The following SMARCA4 variants were observed in gnomAD, a reference collection of about 807,000 sequenced individuals.
SMARCA4 encodes SWI/SNF-related matrix-associated actin-dependent regulator of chromatin subfamily A member 4.
Under a neutral mutation model 193.9 loss-of-function variants are expected in SMARCA4, and 31 were observed. The observed-to-expected ratio is 0.16, with a 90% CI of 0.12 to 0.22. The LOEUF is 0.22. Ranked by LOEUF, SMARCA4 falls within the 10% of genes least tolerant of loss-of-function variation. SMARCA4 has a pLI of 1.00. For synonymous variants in SMARCA4, 942 were observed against 933.1 expected (o/e 1.01, Z -0.17); for missense variants, 1,148 against 2,296.0 (o/e 0.50, Z 10.22).
Position 10,987,030 on chromosome 19 carries a change from A to C in SMARCA4, c.859+27A>C, listed in dbSNP as rs2145799507. On this transcript the variant is annotated intron_variant, in intron 5 of 34. Coordinates refer to ENST00000344626, the MANE Select transcript of SMARCA4 (RefSeq NM_003072.5). This position sits in a 1 kb window ranked among gnomAD's most constrained non-coding sequence, Gnocchi z 5.3. ...TGAGCTCCCTCTTCTATGGTGGTGCACCCGTGCCCTTACTCCCCATCTCAA... is the reference window on the plus strand; with the variant it reads ...TGAGCTCCCTCTTCTATGGTGGTGCCCCCGTGCCCTTACTCCCCATCTCAA... The C allele has an allele frequency of 6.5e-7, 1 of 1,530,564 alleles. No individual in the cohort carries two copies. Among genetic ancestry groups the C allele is most frequent in the African/African-American group, 1.4e-5 (1 of 73,606 alleles). The allele number at this position is 1,530,564 out of a possible 1,614,324, so 94.8% of individuals were successfully genotyped here.
chr19:11,059,273 C>G (rs2076723121), intron 32 of SMARCA4: 1 of 303,848 alleles, frequency 3.3e-6, no homozygotes, highest in Non-Finnish European at 6.3e-6. Context: ...GGGGCACATT[C>G]TCTTCAAAGG....
intron 30 of SMARCA4, among the ~76,000 whole-genome samples, chr19:11,042,621 T>G (rs1170633222): frequency 6.6e-6 from 1 of 152,212 alleles, no homozygotes; most frequent in Non-Finnish European, 1.5e-5. Context: ...ATGCATGGTT[T>G]GGAGAGAATC....
At chr19:11,007,743 A>T (rs2088371117) in intron 13 of SMARCA4, among the ~76,000 whole-genome samples, 159 bp from the exon 14 acceptor site, 1 of 152,166 alleles carries the variant, frequency 6.6e-6, no homozygotes, top group African/African-American at 2.4e-5. Flanking sequence ...ATAATTTTAA[A>T]ACAAAGATGT....
At chr19:11,036,288 A>T (rs1455132389) in intron 29 of SMARCA4, among the ~76,000 whole-genome samples, 1 of 152,028 alleles carries the variant, frequency 6.6e-6, no homozygotes, top group East Asian at 1.9e-4. Context: ...CCGGCCCTGC[A>T]TTTTTTTCTT....
intron 29 of SMARCA4, 90 bp downstream of exon 29, chr19:11,035,222 G>C: frequency 7.9e-7 from 1 of 1,260,656 alleles, no homozygotes; most frequent in Non-Finnish European, 1.1e-6. Flanking sequence ...CTCAGGCCTG[G>C]GTCCAAAATG....
intron 9 of SMARCA4, chr19:10,995,893 A>T: frequency 2.3e-6 from 1 of 429,684 alleles, no homozygotes; most frequent in South Asian, 2.0e-5. Context: ...GGTGGGAGGG[A>T]TGCACCTTGG....
At chr19:11,007,206 C>T (rs1202148215) in intron 13 of SMARCA4, among the ~76,000 whole-genome samples, 1 of 151,280 alleles carries the variant, frequency 6.6e-6, no homozygotes, top group Non-Finnish European at 1.5e-5. Context: ...CCAAGGCAGG[C>T]GGATCACGAG....
At chr19:10,992,590 G>T (rs1180041962) in intron 8 of SMARCA4, among the ~76,000 whole-genome samples, 1 of 150,924 alleles carries the variant, frequency 6.6e-6, no homozygotes, top group Non-Finnish European at 1.5e-5. Flanking sequence ...ACACCTGTTT[G>T]TTTTTTTCTT....
chr19:11,025,321 A>T, intron 21 of SMARCA4, 101 bp from the exon 22 acceptor site: 1 of 781,412 alleles, frequency 1.3e-6, no homozygotes, highest in Non-Finnish European at 2.3e-6. Context: ...TCCCCACTAG[A>T]GCGTCCCCAT....
At chr19:11,045,820 A>G (rs1203422978) in intron 30 of SMARCA4, among the ~76,000 whole-genome samples, 1 of 152,170 alleles carries the variant, frequency 6.6e-6, no homozygotes. Flanking sequence ...ACAGTGGCTC[A>G]CGCCCATAAT....
intron 8 of SMARCA4, among the ~76,000 whole-genome samples, chr19:10,991,808 A>G (rs921088857): frequency 6.6e-6 from 1 of 152,116 alleles, no homozygotes; most frequent in Non-Finnish European, 1.5e-5. Flanking sequence ...AGCTGGAGGA[A>G]GGGAGCGCAG....
In SMARCA4 at chr19:10,984,432, G is replaced by T; in HGVS notation, c.222+59G>T. ...CCTCTGCCCACTAGGGCTGCAGGCA[G>T]CCTCTGGACCGAGGGCCTTACTTGG... On this transcript the variant is annotated intron_variant, in intron 2 of 34. Transcript: ENST00000344626. This position sits in a 1 kb window ranked among gnomAD's most constrained non-coding sequence, Gnocchi z 4.3. 6.5e-7 allele frequency: 1 copy of T among 1,550,040 alleles called. No homozygotes were observed. Among genetic ancestry groups the T allele is most frequent in the Non-Finnish European group, 8.7e-7 (1 of 1,147,152 alleles).
In SMARCA4 at chr19:11,044,615, G is replaced by A. The variant is rs375999430; in HGVS notation, c.4424+3055G>A. 4.6e-5 allele frequency among the ~76,000 whole-genome samples: 7 copies of A among 152,322 alleles called. No individual in the cohort carries two copies. In the East Asian group the frequency reaches 1.2e-3, roughly 25 times the overall value. On this transcript the variant is annotated intron_variant, in intron 30 of 34. Coordinates refer to ENST00000344626, the MANE Select transcript of SMARCA4 (RefSeq NM_003072.5). ...CTTGCACCAGCACCCGCCCCAGAAC[G>A]GCCGAATGCCCATCAGTGCTGGCAA...
At chr19:10,996,637 G>A (rs554238988) in intron 11 of SMARCA4, 93 bp downstream of exon 11, 73 of 1,216,516 alleles carry the variant, frequency 6.0e-5, no homozygotes, top group Admixed American at 8.5e-5. Context: ...TTAAAATTAC[G>A]AACAATGATA....
chr19:11,044,322 C>T (rs896072708), intron 30 of SMARCA4, among the ~76,000 whole-genome samples: 3 of 152,146 alleles, frequency 2.0e-5, no homozygotes, highest in Admixed American at 1.3e-4. Context: ...ATTTCTTCCA[C>T]GGGAGCCAAA....
intron 30 of SMARCA4, among the ~76,000 whole-genome samples, chr19:11,048,235 T>A (rs900102653): frequency 1.7e-4 from 26 of 152,028 alleles, no homozygotes; most frequent in African/African-American, 2.2e-4. Context: ...GGATTTTTTT[T>A]TTTATTTATT....
intron 18 of SMARCA4, among the ~76,000 whole-genome samples, chr19:11,020,395 A>G (rs1485172128): frequency 6.6e-6 from 1 of 151,848 alleles, no homozygotes; most frequent in African/African-American, 2.4e-5. Flanking sequence ...GTTGAACAGT[A>G]GAGAGTTTTT....
rs1414018244 is a variant in SMARCA4 at position 11,010,428 on chromosome 19, T to G, written c.2171T>G (p.Leu724Arg). Reference protein sequence around the residue: ...VDDEYGVSQALARGLQSYYAV... With the variant: ...VDDEYGVSQARARGLQSYYAV... ...GATGAATATGGCGTGTCCCAGGCCC[T>G]TGCACGTGGCCTGCAGTCCTACTAT... Residue 724 changes from leucine (L) to arginine (R), a missense_variant, in exon 15 of 35, where the codon CTT becomes CGT. Leu to Arg is a moderately radical substitution (Grantham distance 102). Coordinates refer to ENST00000344626, the MANE Select transcript of SMARCA4 (RefSeq NM_003072.5). 6.2e-7 allele frequency: 1 copy of G among 1,613,942 alleles called. No homozygotes were observed. The highest frequency in any genetic ancestry group is 1.3e-5 in the African/African-American group (1 of 74,916).
chr19:10,973,632 T>C (rs549285643), intron 1 of SMARCA4, among the ~76,000 whole-genome samples: 5 of 136,420 alleles, frequency 3.7e-5, no homozygotes, highest in Non-Finnish European at 7.9e-5. Flanking sequence ...TGCAGTGGCA[T>C]GATCTTGGCT....
Sources: allele counts gnomAD v4.1 joint callset (sites outside exome capture counted in the v4.1 genomes callset), GRCh38; gene constraint gnomAD v4.1.1; non-coding constraint Gnocchi (gnomAD v3.1); transcripts MANE v1.5; gene names NCBI Gene and HGNC (gene_info 2026-07-23, HGNC 2026-07-21).